The following PLEKHA6 variants were observed in gnomAD, a reference collection of about 807,000 sequenced individuals.
PLEKHA6 encodes the protein pleckstrin homology domain containing A6.
In PLEKHA6, 60 loss-of-function variants were observed where a neutral mutation model predicts 116.7. That is an observed-to-expected ratio of 0.51 (90% confidence interval 0.42 to 0.64). The LOEUF (loss-of-function observed/expected upper bound fraction) is 0.64, where lower values mean the gene tolerates loss of function less well. Ranked by LOEUF, PLEKHA6 falls within the 30% of genes least tolerant of loss-of-function variation. The pLI is 0.00. For synonymous variants in PLEKHA6, 489 were observed against 556.1 expected (o/e 0.88, Z 1.70); for missense variants, 1,338 against 1,422.7 (o/e 0.94, Z 0.96).
chr1:204,307,979 C>T (rs1671458810), intron 1 of PLEKHA6: 3 of 770,552 alleles, frequency 3.9e-6, no homozygotes, highest in Non-Finnish European at 4.7e-6. Context: ...CCTAAGGATC[C>T]GATTCTAGAT....
rs1362299538 is a variant in PLEKHA6 at position 204,219,442 on chromosome 1, C to T, written c.*3346G>A. 6.6e-6 allele frequency: 1 copy of T among 152,390 alleles called. No individual in the cohort carries two copies. The highest frequency in any genetic ancestry group is 2.4e-5 in the African/African-American group (1 of 41,388). 9.4% of individuals were successfully genotyped at this position (152,390 alleles called of 1,614,324 possible). On this transcript the variant is annotated 3_prime_UTR_variant, in exon 23 of 23. Coordinates refer to ENST00000272203, the MANE Select transcript of PLEKHA6 (RefSeq NM_014935.5). The stretch of plus-strand genomic sequence containing the variant: ...TAGAAAATCTTCAAAGTGACAGTAG[C>T]AGTATTTGACTGCAGCCTCTTGGTT...
chr1:204,287,452 T>C (rs976014179), intron 1 of PLEKHA6, among the ~76,000 whole-genome samples: 3 of 152,034 alleles, frequency 2.0e-5, no homozygotes, highest in African/African-American at 4.8e-5. Context: ...GTTGAGGGAA[T>C]GGGGGCAACA....
intron 2 of PLEKHA6, among the ~76,000 whole-genome samples, chr1:204,370,756 T>G (rs559156308): frequency 1.3e-5 from 2 of 152,172 alleles, no homozygotes; most frequent in South Asian, 4.1e-4. Context: ...TTTGAATTAA[T>G]TAGGATTAAA....
Position 204,297,740 on chromosome 1 carries a change from C to G in PLEKHA6, c.-94-22931G>C, listed in dbSNP as rs576922605. The G allele has an allele frequency of 3.6e-5, 9 of 250,958 alleles. No homozygotes were observed. The South Asian group carries it at 1.4e-3, about 38-fold the overall frequency. 15.5% of individuals were successfully genotyped at this position (250,958 alleles called of 1,614,324 possible). ...GGTTATCATTGTCTCAACCCCCCAG[C>G]TTGTGGAACCACCAGAAACATCGGA... On this transcript the variant is annotated intron_variant, in intron 1 of 22. Transcript: ENST00000272203.
At chr1:204,229,751 A>G (rs1285989368) in intron 18 of PLEKHA6, among the ~76,000 whole-genome samples, 1 of 152,210 alleles carries the variant, frequency 6.6e-6, no homozygotes, top group Non-Finnish European at 1.5e-5. Context: ...TAGAAGTTCT[A>G]ATCCATCAAC....
At chr1:204,264,263 AC>A (rs892272826) in intron 6 of PLEKHA6, among the ~76,000 whole-genome samples, 107 of 152,240 alleles carry the variant, frequency 7.0e-4, no homozygotes, top group African/African-American at 2.3e-3. Context: ...GACTTTTTAA[AC>A]GTGGAAAAAC....
intron 1 of PLEKHA6, among the ~76,000 whole-genome samples, chr1:204,283,472 A>G (rs1458651541): frequency 6.6e-6 from 1 of 152,234 alleles, no homozygotes; most frequent in Non-Finnish European, 1.5e-5. Flanking sequence ...GAAGAGAAAA[A>G]TAAAACGCAT....
chr1:204,233,969 T>G lies in PLEKHA6; in HGVS notation c.2410-3383A>C, dbSNP rs1251435604. ...ATGTATTTTGCAAGTGAAATGGGCA[T>G]GAAATTTGGGTATCACAGGGTGGAC... On this transcript the variant is annotated intron_variant, in intron 17 of 22. Transcript: ENST00000272203. Among the ~76,000 whole-genome samples the G allele has an allele frequency of 3.3e-5, 5 of 152,136 alleles. No individual in the cohort carries two copies. In the East Asian group the frequency reaches 9.6e-4, roughly 29 times the overall value.
intron 1 of PLEKHA6, among the ~76,000 whole-genome samples, chr1:204,325,505 T>A (rs559286544): frequency 5.4e-4 from 82 of 152,124 alleles, no homozygotes; most frequent in Non-Finnish European, 1.0e-3. Context: ...CCACATGAGA[T>A]CTTCATGCTC....
At chr1:204,360,392 C>A (rs961708076), upstream of PLEKHA6, among the ~76,000 whole-genome samples, 1 of 151,400 alleles carries the variant, frequency 6.6e-6, no homozygotes. Flanking sequence ...CGCCCCCCCC[C>A]CAATATGGTG....
intron 1 of PLEKHA6, chr1:204,325,763 A>G (rs1365106543): frequency 4.2e-6 from 1 of 236,442 alleles, no homozygotes. Flanking sequence ...TAGCCTGTGA[A>G]CAAACCCAGG....
intron 10 of PLEKHA6, among the ~76,000 whole-genome samples, chr1:204,250,133 G>A (rs559258185): frequency 6.6e-6 from 1 of 152,304 alleles, no homozygotes; most frequent in East Asian, 1.9e-4. Context: ...CTGAAGCCAG[G>A]GGCATAGCCG....
intron 1 of PLEKHA6, among the ~76,000 whole-genome samples, chr1:204,332,615 C>T (rs924908671): frequency 2.0e-5 from 3 of 152,164 alleles, no homozygotes; most frequent in Non-Finnish European, 2.9e-5. Context: ...CTCTTGACCT[C>T]GTGATCCACC....
rs543624357 is a variant in PLEKHA6 at position 204,259,202 on chromosome 1, G to T, written c.1007+56C>A. Reference sequence around the variant, plus strand: ...TGCCTCGTGGGCTATGACCCCACTCGCACGCTCTAGCCATAATACCATATC... The same window carrying T: ...TGCCTCGTGGGCTATGACCCCACTCTCACGCTCTAGCCATAATACCATATC... On this transcript the variant is annotated intron_variant, in intron 8 of 22. Coordinates refer to ENST00000272203, the MANE Select transcript of PLEKHA6 (RefSeq NM_014935.5). The surrounding 1 kb of genome is among the most constrained non-coding windows in gnomAD (Gnocchi z 4.6). 45 of 1,563,202 alleles carry T rather than the reference G, an allele frequency of 2.9e-5. No individual in the cohort carries two copies. The highest frequency in any genetic ancestry group is 3.9e-5 in the Non-Finnish European group (45 of 1,154,068).
At chr1:204,344,160 T>C (rs1423099614) in intron 1 of PLEKHA6, among the ~76,000 whole-genome samples, 1 of 152,108 alleles carries the variant, frequency 6.6e-6, no homozygotes, top group African/African-American at 2.4e-5. Flanking sequence ...GCCTGCAATT[T>C]GAGCCAAGGG....
At chr1:204,280,794 T>C (rs766742673) in intron 1 of PLEKHA6, among the ~76,000 whole-genome samples, 5 of 152,230 alleles carry the variant, frequency 3.3e-5, no homozygotes, top group Non-Finnish European at 5.9e-5. Flanking sequence ...GCTTATCTGC[T>C]TCAGCATCCT....
intron 1 of PLEKHA6, among the ~76,000 whole-genome samples, chr1:204,286,260 G>A (rs1040324321): frequency 8.5e-5 from 13 of 152,140 alleles, no homozygotes; most frequent in African/African-American, 2.9e-4. Context: ...AGAACCTGCT[G>A]GCTATAGCCC....
intron 1 of PLEKHA6, among the ~76,000 whole-genome samples, chr1:204,295,550 A>C (rs747186407): frequency 5.4e-4 from 82 of 151,956 alleles, no homozygotes; most frequent in Non-Finnish European, 5.1e-4. Flanking sequence ...ATCCAGCTGC[A>C]TAAGGTGTGT....
chr1:204,260,745 T>C (rs1665999886), intron 7 of PLEKHA6, among the ~76,000 whole-genome samples: 1 of 152,226 alleles, frequency 6.6e-6, no homozygotes, highest in Non-Finnish European at 1.5e-5. Flanking sequence ...AGACAGACGC[T>C]GAGACCGTGG....
Sources: allele counts gnomAD v4.1 joint callset (sites outside exome capture counted in the v4.1 genomes callset), GRCh38; gene constraint gnomAD v4.1.1; non-coding constraint Gnocchi (gnomAD v3.1); transcripts MANE v1.5; gene names NCBI Gene and HGNC (gene_info 2026-07-23, HGNC 2026-07-21).